Variants in MYO7A observed in about 807,000 individuals in gnomAD.
MYO7A encodes the protein myosin VIIA.
MYO7A carries 210 observed loss-of-function variants against 263.8 expected under a neutral mutation model. That is an observed-to-expected ratio of 0.80 (90% CI 0.71 to 0.89). The LOEUF is 0.89. MYO7A is among the 40% of genes least tolerant of loss of function. The probability of loss-of-function intolerance (pLI) is 0.00; values close to 1 mark genes in which losing one functional copy is unlikely to be tolerated. For synonymous variants in MYO7A, 1,239 were observed against 1,197.3 expected (o/e 1.03, Z -0.72); for missense variants, 2,820 against 2,968.3 (o/e 0.95, Z 1.16).
At chr11:77,205,367 G>T in intron 39 of MYO7A, 95 bp from the exon 40 acceptor site, 1 of 1,416,302 alleles carries the variant, frequency 7.1e-7, no homozygotes, top group East Asian at 2.5e-5. Context: ...GTGATGAGCA[G>T]CTGAGGGGTA....
intron 31 of MYO7A, among the ~76,000 whole-genome samples, chr11:77,192,714 G>A (rs1261236800): frequency 1.3e-5 from 2 of 152,258 alleles, no homozygotes; most frequent in Middle Eastern, 3.4e-3. Flanking sequence ...TTCGATAATG[G>A]TAATGGTAGC....
chr11:77,190,019 G>C lies in MYO7A; in HGVS notation c.3631-1G>C, dbSNP rs1555090885. 1 of 1,543,396 alleles carries C rather than the reference G, an allele frequency of 6.5e-7. No homozygotes were observed. The highest frequency in any genetic ancestry group is 8.7e-7 in the Non-Finnish European group (1 of 1,143,412). ...CGCCTCAGCGGGTACTCTGGCTGCA[G>C]TACCTGCGGAACTTCATCCACGGGG... On this transcript the variant is annotated splice_acceptor_variant, in intron 28 of 48. Coordinates refer to ENST00000409709, the MANE Select transcript of MYO7A (RefSeq NM_000260.4). LOFTEE classifies it high-confidence loss of function.
chr11:77,208,496 A>G lies in MYO7A; in HGVS notation c.5923A>G (p.Lys1975Glu). 6.2e-7 allele frequency: 1 copy of G among 1,613,614 alleles called. No homozygotes were observed. The highest frequency in any genetic ancestry group is 8.5e-7 in the Non-Finnish European group (1 of 1,179,736). Reference protein sequence around the residue: ...FVRHLTDWIKKARPIKDGIVP... With the variant: ...FVRHLTDWIKEARPIKDGIVP... ...TCGACACTTGACAGACTGGATAAAG[A>G]AAGCTCGGCCCATCAAGGACGGTAA... The change falls in exon 43 of 49, where the codon AAA becomes GAA. Residue 1975 changes from lysine to glutamate, a missense_variant. By Grantham distance (56) the Lys-to-Glu change is moderately conservative. Transcript: ENST00000409709.
chr11:77,151,662 G>A (rs566591352), intron 4 of MYO7A, among the ~76,000 whole-genome samples: 1 of 152,366 alleles, frequency 6.6e-6, no homozygotes, highest in African/African-American at 2.4e-5. Context: ...TACTACTAGA[G>A]ATTGGAACAA....
chr11:77,175,577 C>A lies in MYO7A; in HGVS notation c.2187+113C>A, dbSNP rs542741458. ...GCTGGGGCTTTGAGATCCTTTCTGCCGGGCTGTGGTGTGGCTGGAGGAGCA... is the reference window on the plus strand; with the variant it reads ...GCTGGGGCTTTGAGATCCTTTCTGCAGGGCTGTGGTGTGGCTGGAGGAGCA... On this transcript the variant is annotated intron_variant, in intron 18 of 48. Coordinates refer to ENST00000409709, the MANE Select transcript of MYO7A (RefSeq NM_000260.4). 31 of 1,024,402 alleles carry A rather than the reference C, an allele frequency of 3.0e-5. No individual in the cohort carries two copies. In the African/African-American group the frequency reaches 3.3e-4, roughly 11 times the overall value. 63.5% of individuals were successfully genotyped at this position (1,024,402 alleles called of 1,614,324 possible). A position where few individuals can be genotyped will look rare whatever the true frequency, so the allele number is the denominator to read the frequency against.
In MYO7A at chr11:77,214,690, C is replaced by A; in HGVS notation, c.6642C>A (p.Gly2214=). 6.4e-7 allele frequency: 1 copy of A among 1,572,158 alleles called. No homozygotes were observed. Among genetic ancestry groups the A allele is most frequent in the Admixed American group, 1.9e-5 (1 of 54,006 alleles). ...AMSKQRGSRS[G]K ...GCAAACAGCGGGGCTCCAGGAGCGG[C>A]AAGTGAACAGTCACGGGGAGGTGCT... Residue 2214 remains glycine (G), a synonymous_variant, in exon 49 of 49, where the codon GGC becomes GGA. Transcript: ENST00000409709.
At chr11:77,176,116 C>A (rs1314016372) in intron 18 of MYO7A, among the ~76,000 whole-genome samples, 2 of 152,200 alleles carry the variant, frequency 1.3e-5, no homozygotes, top group African/African-American at 4.8e-5. Flanking sequence ...TTCTGGCTGT[C>A]CCGGATGACA....
At chr11:77,140,228 A>AC (rs1184674100) in intron 2 of MYO7A, among the ~76,000 whole-genome samples, 1 of 152,018 alleles carries the variant, frequency 6.6e-6, no homozygotes, top group Non-Finnish European at 1.5e-5. Flanking sequence ...ACTCAGAGAG[A>AC]CCCCTGCCTT....
At chr11:77,170,273 A>T (rs898256242) in intron 15 of MYO7A, among the ~76,000 whole-genome samples, 12 of 152,174 alleles carry the variant, frequency 7.9e-5, no homozygotes, top group Non-Finnish European at 1.0e-4. Context: ...GCCCAGCCAC[A>T]TTCCAGAGGA....
chr11:77,208,795 T>C lies in MYO7A; in HGVS notation c.6043T>C (p.Tyr2015His), dbSNP rs377640847. The C allele has an allele frequency of 1.9e-6, 3 of 1,559,976 alleles. No individual in the cohort carries two copies. The highest frequency in any genetic ancestry group is 2.6e-6 in the Non-Finnish European group (3 of 1,150,494). ...KDPMADSIFH[Y>H]YQELPKYLRG... ...TCCCATGGCCGATTCCATCTTCCAC[T>C]ATTACCAGGTGGGCACCTCTGCACT... The change falls in exon 44 of 49, where the codon TAT (tyrosine) becomes CAT (histidine). Residue 2015 changes from tyrosine to histidine, a missense_variant. Coordinates refer to ENST00000409709, the MANE Select transcript of MYO7A (RefSeq NM_000260.4).
intron 26 of MYO7A, among the ~76,000 whole-genome samples, chr11:77,183,390 C>G (rs782041961): frequency 1.3e-5 from 2 of 152,130 alleles, no homozygotes; most frequent in Admixed American, 6.5e-5. Context: ...GAAGGGCTTC[C>G]TAGCAGAGGG....
At chr11:77,173,070 G>A (rs1954276757) in intron 16 of MYO7A, among the ~76,000 whole-genome samples, 185 bp downstream of exon 16, 1 of 151,754 alleles carries the variant, frequency 6.6e-6, no homozygotes, top group Non-Finnish European at 1.5e-5. Flanking sequence ...CTTGGAAAGA[G>A]CCTAGACTCT....
At chr11:77,212,914 T>C (rs752867378) in intron 46 of MYO7A, 38 bp from the exon 47 acceptor site, 4 of 1,473,398 alleles carry the variant, frequency 2.7e-6, no homozygotes, top group Non-Finnish European at 1.9e-6. Flanking sequence ...TTTCTTGCTC[T>C]GGGCCCCCAT....
chr11:77,154,528 G>A (rs1030697822), intron 4 of MYO7A, among the ~76,000 whole-genome samples: 23 of 152,138 alleles, frequency 1.5e-4, no homozygotes, highest in Admixed American at 4.6e-4. Context: ...GACCAACTGC[G>A]GAGGGCGGGT....
rs777840726 is a variant in MYO7A at position 77,212,930 on chromosome 11, G to A, written c.6355-22G>A. 9 of 1,558,800 alleles carry A rather than the reference G, an allele frequency of 5.8e-6. No homozygotes were observed. In the East Asian group the frequency reaches 2.1e-4, roughly 36 times the overall value. On this transcript the variant is annotated intron_variant, in intron 46 of 48. Coordinates refer to ENST00000409709, the MANE Select transcript of MYO7A (RefSeq NM_000260.4). ...TTCTTGCTCTGGGCCCCCATCTGAT[G>A]CCTTCTCATCTTTTTTTCTAGCAAA...
At chr11:77,167,975 C>T (rs569536471) in intron 15 of MYO7A, among the ~76,000 whole-genome samples, 9 of 152,294 alleles carry the variant, frequency 5.9e-5, no homozygotes, top group African/African-American at 1.7e-4. Context: ...AGCACTGGCA[C>T]CCAGGAGAGT....
intron 38 of MYO7A, 104 bp from the exon 39 acceptor site, chr11:77,203,972 G>C: frequency 4.6e-6 from 6 of 1,301,268 alleles, no homozygotes; most frequent in Non-Finnish European, 6.3e-6. Context: ...TGAGGGCCCA[G>C]GGTCACAGCT....
intron 4 of MYO7A, among the ~76,000 whole-genome samples, chr11:77,154,774 A>T (rs935109941): frequency 6.6e-6 from 1 of 152,164 alleles, no homozygotes; most frequent in East Asian, 1.9e-4. Context: ...GGGCCCAGAG[A>T]AGGGCAGTTT....
At chr11:77,205,041 C>T (rs1957349865) in intron 39 of MYO7A, among the ~76,000 whole-genome samples, 2 of 152,206 alleles carry the variant, frequency 1.3e-5, no homozygotes, top group African/African-American at 4.8e-5. Flanking sequence ...TGGTCTAACT[C>T]GTTGCCACTC....
Sources: gnomAD v4.1 joint callset for allele counts (sites outside exome capture counted in the v4.1 genomes callset) on GRCh38, gnomAD v4.1.1 for gene constraint, MANE v1.5 for transcripts, NCBI Gene and HGNC (gene_info 2026-07-23, HGNC 2026-07-21) for gene names.